The following NVL variants were observed in gnomAD, a reference collection of about 807,000 sequenced individuals.
The protein encoded by NVL is nuclear VCP like.
NVL carries 84 observed loss-of-function variants against 110.2 expected under a neutral mutation model. The observed-to-expected ratio is 0.76, with a 90% CI of 0.64 to 0.91. The LOEUF is 0.91. Ranked by LOEUF, NVL falls within the 40% of genes least tolerant of loss-of-function variation. The pLI is 0.00. For synonymous variants in NVL, 354 were observed against 361.1 expected (o/e 0.98, Z 0.22); for missense variants, 882 against 1,035.9 (o/e 0.85, Z 2.04).
intron 19 of NVL, among the ~76,000 whole-genome samples, chr1:224,247,445 T>C (rs185315281): frequency 0.015 from 2,266 of 151,942 alleles, 18 homozygotes; most frequent in Middle Eastern, 0.031. Context: ...TTGAGGCAGG[T>C]GGATCACGAG....
intron 2 of NVL, among the ~76,000 whole-genome samples, chr1:224,325,930 G>A (rs984842650): frequency 1.3e-5 from 2 of 152,058 alleles, no homozygotes; most frequent in Non-Finnish European, 2.9e-5. Flanking sequence ...GGGACCACAG[G>A]TGCATGCCAC....
At chr1:224,305,242 C>T in intron 6 of NVL, 76 bp from the exon 7 acceptor site, 1 of 1,437,558 alleles carries the variant, frequency 7.0e-7, no homozygotes, top group South Asian at 1.4e-5. Flanking sequence ...TAAAGAGGGG[C>T]ATTGTAAAGA....
chr1:224,293,898 T>TG (rs1244116800), intron 12 of NVL, among the ~76,000 whole-genome samples: 2 of 152,184 alleles, frequency 1.3e-5, no homozygotes, highest in Non-Finnish European at 2.9e-5. Context: ...ACTGCAGCCT[T>TG]GAACTCCTGG....
At chr1:224,322,831 G>A (rs112958944) in intron 2 of NVL, among the ~76,000 whole-genome samples, 6 of 152,204 alleles carry the variant, frequency 3.9e-5, no homozygotes, top group South Asian at 2.1e-4. Flanking sequence ...GCGTGCACCC[G>A]TAGTCCCAGC....
At chr1:224,291,539 C>T (rs551795929) in intron 12 of NVL, among the ~76,000 whole-genome samples, 1 of 152,204 alleles carries the variant, frequency 6.6e-6, no homozygotes, top group South Asian at 2.1e-4. Context: ...AGCAGATAAA[C>T]ATTACTGACA....
Position 224,238,184 on chromosome 1 carries a change from CCA to C in NVL, c.2290-1604_2290-1603del, listed in dbSNP as rs1221971517. On this transcript the variant is annotated intron_variant, in intron 19 of 22. Transcript: ENST00000281701. The stretch of plus-strand genomic sequence containing the variant: ...GGGTAGCTGGGACTATAGGCACCCA[CCA>C]CACACCTGGCTAATTTTTGTATTTT... Among the ~76,000 whole-genome samples, 4 of 11,770 alleles carry C rather than the reference CCA, an allele frequency of 3.4e-4. 1 individual carries two copies. The highest frequency in any genetic ancestry group is 2.5e-3 in the South Asian group (2 of 804). 7.7% of individuals were successfully genotyped at this position (11,770 alleles called of 152,430 possible). A position where few individuals can be genotyped will look rare whatever the true frequency, so the allele number is the denominator to read the frequency against.
At chr1:224,254,097 T>C (rs181351840) in intron 18 of NVL, among the ~76,000 whole-genome samples, 22 of 152,196 alleles carry the variant, frequency 1.4e-4, no homozygotes, top group African/African-American at 5.1e-4. Context: ...TACAACATGT[T>C]TTTTTTTGTT....
intron 5 of NVL, among the ~76,000 whole-genome samples, 180 bp downstream of exon 5, chr1:224,311,620 A>T (rs1352567682): frequency 6.6e-6 from 1 of 151,930 alleles, no homozygotes; most frequent in Non-Finnish European, 1.5e-5. Context: ...AGGTTTTGCC[A>T]TGTTGCCCAG....
chr1:224,272,765 T>C (rs1489014362), intron 17 of NVL, among the ~76,000 whole-genome samples: 2 of 150,940 alleles, frequency 1.3e-5, no homozygotes, highest in South Asian at 2.1e-4. Context: ...CCGTGCGCGG[T>C]GGCTCATGCC....
chr1:224,242,232 G>C (rs1006331765), intron 19 of NVL, among the ~76,000 whole-genome samples: 1 of 151,994 alleles, frequency 6.6e-6, no homozygotes, highest in Non-Finnish European at 1.5e-5. Flanking sequence ...AGTGGTGATG[G>C]TTGCACAACA....
At chr1:224,291,702 A>G (rs1012700148) in intron 12 of NVL, among the ~76,000 whole-genome samples, 2 of 152,238 alleles carry the variant, frequency 1.3e-5, no homozygotes, top group African/African-American at 4.8e-5. Context: ...CATTCCTGAT[A>G]AACCCATCTT....
At chr1:224,326,782 G>A (rs1405524319) in intron 1 of NVL, among the ~76,000 whole-genome samples, 1 of 152,146 alleles carries the variant, frequency 6.6e-6, no homozygotes, top group East Asian at 1.9e-4. Context: ...GGGTAGGAGG[G>A]GATATTTTAA....
intron 17 of NVL, among the ~76,000 whole-genome samples, chr1:224,272,874 A>T (rs1665282554): frequency 6.6e-6 from 1 of 150,380 alleles, no homozygotes; most frequent in South Asian, 2.1e-4. Flanking sequence ...CTCTACTAAA[A>T]ATACAAAAAA....
At chr1:224,253,456 C>T (rs953286469) in intron 18 of NVL, among the ~76,000 whole-genome samples, 3 of 150,816 alleles carry the variant, frequency 2.0e-5, no homozygotes, top group African/African-American at 7.3e-5. Flanking sequence ...AATTGCTGGC[C>T]GGGTGGAGTG....
At chr1:224,317,037 G>A (rs1670156672) in intron 4 of NVL, among the ~76,000 whole-genome samples, 1 of 151,796 alleles carries the variant, frequency 6.6e-6, no homozygotes, top group Non-Finnish European at 1.5e-5. Context: ...TACTTGGGAG[G>A]CTGAGGCAAG....
chr1:224,241,621 C>T (rs1048634841), intron 19 of NVL, among the ~76,000 whole-genome samples: 21 of 151,826 alleles, frequency 1.4e-4, no homozygotes, highest in African/African-American at 5.1e-4. Context: ...TTTGGGAGGC[C>T]GAGGCGGGTG....
At chr1:224,245,705 C>T (rs1661727420) in intron 19 of NVL, among the ~76,000 whole-genome samples, 1 of 152,052 alleles carries the variant, frequency 6.6e-6, no homozygotes, top group Non-Finnish European at 1.5e-5. Context: ...CCTGTAATCC[C>T]AGCACTTTGA....
intron 16 of NVL, among the ~76,000 whole-genome samples, chr1:224,279,585 A>G (rs372705930): frequency 3.3e-4 from 50 of 152,222 alleles, no homozygotes; most frequent in African/African-American, 1.1e-3. Context: ...TAACAGTTAT[A>G]AACTTCAAAT....
At chr1:224,259,913 G>T (rs1233402180) in intron 18 of NVL, among the ~76,000 whole-genome samples, 1 of 148,386 alleles carries the variant, frequency 6.7e-6, no homozygotes, top group Non-Finnish European at 1.5e-5. Flanking sequence ...CAAGTGATCT[G>T]CTCACCTCAG....
Sources: gnomAD v4.1 joint callset for allele counts (sites outside exome capture counted in the v4.1 genomes callset) on GRCh38, gnomAD v4.1.1 for gene constraint, MANE v1.5 for transcripts, NCBI Gene and HGNC (gene_info 2026-07-23, HGNC 2026-07-21) for gene names.